The following USP54 variants were observed in gnomAD, a reference collection of about 807,000 sequenced individuals.
USP54 encodes ubiquitin specific peptidase 54.
A neutral mutation model predicts 170.5 loss-of-function variants in USP54; 87 were observed. The ratio of observed to expected loss-of-function variants is 0.51; its 90% CI spans 0.43 to 0.61. The LOEUF (loss-of-function observed/expected upper bound fraction) is 0.61, where lower values mean the gene tolerates loss of function less well. Ranked by LOEUF, USP54 falls within the 20% of genes least tolerant of loss-of-function variation. The pLI, the probability that USP54 is intolerant of heterozygous loss-of-function variation, is 0.00. For missense variants in USP54, 1,786 were observed against 2,047.8 expected (o/e 0.87, Z 2.47); for synonymous variants, 655 against 742.8 (o/e 0.88, Z 1.92).
At chr10:73,552,305 C>T (rs1272713604) in intron 4 of USP54, among the ~76,000 whole-genome samples, 4 of 151,688 alleles carry the variant, frequency 2.6e-5, no homozygotes, top group South Asian at 2.1e-4. Context: ...CCCAGCTACT[C>T]GGGAGGCTGA....
chr10:73,543,220 A>C, intron 5 of USP54, 89 bp from the exon 6 acceptor site: 1 of 875,380 alleles, frequency 1.1e-6, no homozygotes, highest in Non-Finnish European at 1.9e-6. Flanking sequence ...AGAAACAGCA[A>C]CCCTTCTGGA....
chr10:73,609,595 C>T (rs1028923619), intron 1 of USP54, among the ~76,000 whole-genome samples: 2 of 152,036 alleles, frequency 1.3e-5, no homozygotes, highest in East Asian at 3.9e-4. Context: ...CCTGTAATCC[C>T]AGCACTTTGG....
chr10:73,501,990 CTT>C (rs1564601194), intron 22 of USP54, among the ~76,000 whole-genome samples: 2 of 152,168 alleles, frequency 1.3e-5, no homozygotes, highest in Non-Finnish European at 2.9e-5. Context: ...CTTTATCATA[CTT>C]ATCATTGTCT....
At chr10:73,574,281 T>A (rs903099401) in intron 3 of USP54, among the ~76,000 whole-genome samples, 1 of 152,148 alleles carries the variant, frequency 6.6e-6, no homozygotes, top group African/African-American at 2.4e-5. Flanking sequence ...TGTTCAAGTG[T>A]ATCTGACTAG....
At chr10:73,556,068 T>A (rs990339497) in intron 4 of USP54, among the ~76,000 whole-genome samples, 1 of 152,124 alleles carries the variant, frequency 6.6e-6, no homozygotes, top group South Asian at 2.1e-4. Flanking sequence ...TATTCATACA[T>A]AGGTGATCAA....
intron 13 of USP54, 48 bp from the exon 14 acceptor site, chr10:73,530,571 G>A (rs1302021061): frequency 2.5e-6 from 4 of 1,574,086 alleles, no homozygotes; most frequent in Non-Finnish European, 3.4e-6. Flanking sequence ...AAGTGATCAT[G>A]GATACTAGAC....
intron 1 of USP54, among the ~76,000 whole-genome samples, chr10:73,604,663 T>C (rs1019114684): frequency 6.6e-6 from 1 of 150,618 alleles, no homozygotes; most frequent in Non-Finnish European, 1.5e-5. Context: ...CAATCTTGGC[T>C]CACTGCAAGC....
intron 1 of USP54, among the ~76,000 whole-genome samples, chr10:73,623,973 T>C (rs190385761): frequency 2.0e-5 from 3 of 151,976 alleles, no homozygotes; most frequent in East Asian, 1.9e-4. Context: ...GAGCTTGTTA[T>C]TGGATTCATG....
At chr10:73,606,943 C>G (rs942843792) in intron 1 of USP54, among the ~76,000 whole-genome samples, 1 of 149,750 alleles carries the variant, frequency 6.7e-6, no homozygotes, top group African/African-American at 2.5e-5. Flanking sequence ...AACTACCTAA[C>G]TGAACAGTTT....
rs768896550 is a variant in USP54, at chr10:73,536,443, C to G, written c.976-6G>C. 3 of 1,523,118 alleles carry G rather than the reference C, an allele frequency of 2.0e-6. No individual in the cohort carries two copies. In the Admixed American group the frequency reaches 6.7e-5, roughly 34 times the overall value. The allele number at this position is 1,523,118 out of a possible 1,614,324, so 94.4% of individuals were successfully genotyped here. A position where few individuals can be genotyped will look rare whatever the true frequency, so the allele number is the denominator to read the frequency against. ...TCCTTCCATTTGGGCCCAATCTGAA[C>G]CAGAAACAACCAGAAGAACATGACA... On this transcript the variant is annotated splice_polypyrimidine_tract_variant and splice_region_variant and intron_variant, in intron 10 of 23. Transcript: ENST00000687698.
chr10:73,601,302 A>C (rs1388994872), intron 1 of USP54, among the ~76,000 whole-genome samples: 18 of 152,184 alleles, frequency 1.2e-4, no homozygotes, highest in Admixed American at 1.2e-3. Context: ...CAGTCAAGAC[A>C]GTGTAGGAAA....
intron 1 of USP54, among the ~76,000 whole-genome samples, chr10:73,577,571 C>T (rs545110648): frequency 3.2e-4 from 49 of 152,256 alleles, no homozygotes; most frequent in Admixed American, 1.2e-3. Flanking sequence ...TACTTATGTC[C>T]TTTATTTAAT....
At chr10:73,609,907 G>A (rs1294987393) in intron 1 of USP54, among the ~76,000 whole-genome samples, 1 of 151,758 alleles carries the variant, frequency 6.6e-6, no homozygotes, top group East Asian at 1.9e-4. Flanking sequence ...CTACTCAGGA[G>A]GCTGAGGCAG....
chr10:73,522,472 G>GA (rs913762142), intron 17 of USP54, among the ~76,000 whole-genome samples: 1 of 152,184 alleles, frequency 6.6e-6, no homozygotes, highest in African/African-American at 2.4e-5. Flanking sequence ...AACTGACAAT[G>GA]AAATATTGCC....
At chr10:73,505,448 C>G in intron 20 of USP54, 22 bp from the exon 21 acceptor site, 1 of 1,605,112 alleles carries the variant, frequency 6.2e-7, no homozygotes. Flanking sequence ...AACACAAATA[C>G]AAGTTGAGGC....
chr10:73,542,718 G>A (rs889838123), intron 7 of USP54, 85 bp downstream of exon 7: 7 of 1,366,872 alleles, frequency 5.1e-6, no homozygotes, highest in South Asian at 2.5e-5. Context: ...GCAACAGAGC[G>A]AGACTCTGTC....
intron 20 of USP54, among the ~76,000 whole-genome samples, chr10:73,514,821 C>A (rs2060798198): frequency 6.6e-6 from 1 of 152,004 alleles, no homozygotes; most frequent in South Asian, 2.1e-4. Flanking sequence ...GGGGGGATCA[C>A]CTGAGGTCAG....
chr10:73,580,923 T>C (rs1470671688), intron 1 of USP54, among the ~76,000 whole-genome samples: 2 of 152,194 alleles, frequency 1.3e-5, no homozygotes, highest in Non-Finnish European at 2.9e-5. Flanking sequence ...GTTTGTAGCA[T>C]AGCAGCAGTA....
intron 4 of USP54, among the ~76,000 whole-genome samples, chr10:73,556,861 C>T (rs1355249505): frequency 6.6e-6 from 1 of 152,088 alleles, no homozygotes; most frequent in African/African-American, 2.4e-5. Context: ...ACCTTATATA[C>T]GAAATTCTGT....
Sources: gnomAD v4.1 joint callset for allele counts (sites outside exome capture counted in the v4.1 genomes callset) on GRCh38, gnomAD v4.1.1 for gene constraint, MANE v1.5 for transcripts, NCBI Gene and HGNC (gene_info 2026-07-23, HGNC 2026-07-21) for gene names.